The following GPR158 variants were observed in gnomAD, a reference collection of about 807,000 sequenced individuals.
GPR158 encodes the protein G protein-coupled receptor 158, also known as metabotropic glycine receptor.
In GPR158, 30 loss-of-function variants were observed where a neutral mutation model predicts 78.2. The ratio of observed to expected loss-of-function variants is 0.38; its 90% CI spans 0.29 to 0.52. The LOEUF is 0.52. Ranked by LOEUF, GPR158 falls within the 20% of genes least tolerant of loss-of-function variation. The pLI, the probability that GPR158 is intolerant of heterozygous loss-of-function variation, is 0.83. For missense variants in GPR158, 1,463 were observed against 1,523.5 expected (o/e 0.96, Z 0.66); for synonymous variants, 581 against 591.1 (o/e 0.98, Z 0.25).
intron 5 of GPR158, among the ~76,000 whole-genome samples, chr10:25,495,071 C>T (rs568467632): frequency 2.0e-5 from 3 of 151,244 alleles, no homozygotes; most frequent in South Asian, 2.1e-4. Context: ...ATTGATTCAC[C>T]GTAGAAAATT....
At chr10:25,364,844 T>A (rs1588826588) in intron 2 of GPR158, among the ~76,000 whole-genome samples, 1 of 151,806 alleles carries the variant, frequency 6.6e-6, no homozygotes, top group East Asian at 1.9e-4. Context: ...TTTTGGTGGT[T>A]AGAATTAGAT....
At chr10:25,416,765 T>C (rs1157637213) in intron 4 of GPR158, among the ~76,000 whole-genome samples, 1 of 152,138 alleles carries the variant, frequency 6.6e-6, no homozygotes, top group Non-Finnish European at 1.5e-5. Context: ...AGAGATTAAG[T>C]TTCCAAAGGT....
At chr10:25,254,843 A>T (rs1384062661) in intron 2 of GPR158, among the ~76,000 whole-genome samples, 2 of 152,226 alleles carry the variant, frequency 1.3e-5, no homozygotes, top group African/African-American at 2.4e-5. Context: ...CCTTGGAAGT[A>T]TCTAATGACT....
intron 5 of GPR158, among the ~76,000 whole-genome samples, chr10:25,477,284 G>T (rs1399949479): frequency 6.6e-6 from 1 of 152,076 alleles, no homozygotes; most frequent in East Asian, 1.9e-4. Context: ...TATAGCGAAA[G>T]CAGCCAAGTT....
intron 1 of GPR158, among the ~76,000 whole-genome samples, chr10:25,184,937 A>C (rs540693381): frequency 1.3e-5 from 2 of 152,164 alleles, no homozygotes; most frequent in African/African-American, 2.4e-5. Flanking sequence ...AAGGTTTCTC[A>C]ACCTTGGAAC....
chr10:25,361,821 CT>C (rs1351257090), intron 2 of GPR158, among the ~76,000 whole-genome samples: 1 of 151,826 alleles, frequency 6.6e-6, no homozygotes, highest in East Asian at 1.9e-4. Context: ...TATAGGACTT[CT>C]TTATATATTG....
intron 1 of GPR158, among the ~76,000 whole-genome samples, chr10:25,211,487 G>T (rs544666830): frequency 5.3e-4 from 81 of 152,122 alleles, no homozygotes; most frequent in Non-Finnish European, 1.0e-3. Context: ...GGGAGCGCAT[G>T]CACAAGAGGA....
At position 25,412,108 on chromosome 10, in the gene GPR158, CT is replaced by C; in HGVS notation, c.1112-140del. 9.3e-6 allele frequency: 6 copies of C among 642,654 alleles called. No individual in the cohort carries two copies. The South Asian group carries it at 9.7e-5, about 10-fold the overall frequency. 39.8% of individuals were successfully genotyped at this position (642,654 alleles called of 1,614,324 possible). A position where few individuals can be genotyped will look rare whatever the true frequency, so the allele number is the denominator to read the frequency against. ...TAAGAGTCTAAAGGAAAAGTAACTC[CT>C]TCCCCTAGCAAGAGGGTTGACAAAA... On this transcript the variant is annotated intron_variant, in intron 3 of 10. Coordinates refer to ENST00000376351, the MANE Select transcript of GPR158 (RefSeq NM_020752.3).
intron 6 of GPR158, among the ~76,000 whole-genome samples, chr10:25,557,427 T>C (rs992484611): frequency 2.6e-5 from 4 of 152,152 alleles, no homozygotes; most frequent in African/African-American, 9.7e-5. Flanking sequence ...CCAGAAACCA[T>C]GAAAACAAGC....
At chr10:25,531,566 A>G (rs1836422585) in intron 5 of GPR158, among the ~76,000 whole-genome samples, 1 of 152,154 alleles carries the variant, frequency 6.6e-6, no homozygotes, top group Non-Finnish European at 1.5e-5. Context: ...CTCGAAAGAG[A>G]TGAGGCAGTG....
At chr10:25,236,465 A>G (rs535448847) in intron 2 of GPR158, among the ~76,000 whole-genome samples, 1 of 152,234 alleles carries the variant, frequency 6.6e-6, no homozygotes, top group Admixed American at 6.5e-5. Context: ...CCGAGATTGC[A>G]CCACTGCACT....
chr10:25,216,361 T>C (rs186986370), intron 1 of GPR158, among the ~76,000 whole-genome samples: 6 of 152,246 alleles, frequency 3.9e-5, no homozygotes, highest in East Asian at 1.9e-4. Context: ...CAAGGTAACA[T>C]GAGGAGGGAG....
At chr10:25,551,625 A>G (rs529596618) in intron 6 of GPR158, among the ~76,000 whole-genome samples, 67 of 152,266 alleles carry the variant, frequency 4.4e-4, no homozygotes, top group Admixed American at 2.1e-3. Context: ...AAGTTCCCTA[A>G]TACTTAGTTC....
At chr10:25,529,113 G>T (rs1356512024) in intron 5 of GPR158, among the ~76,000 whole-genome samples, 1 of 152,196 alleles carries the variant, frequency 6.6e-6, no homozygotes, top group Non-Finnish European at 1.5e-5. Context: ...ATACGGCCAG[G>T]CATGGTGGCT....
chr10:25,295,209 A>G (rs1032873855), intron 2 of GPR158, among the ~76,000 whole-genome samples: 8 of 152,190 alleles, frequency 5.3e-5, no homozygotes, highest in Non-Finnish European at 1.2e-4. Flanking sequence ...TCTTCAAAGT[A>G]CATCCAACAT....
chr10:25,558,853 C>CG (rs1392176980), intron 6 of GPR158, among the ~76,000 whole-genome samples: 1 of 152,182 alleles, frequency 6.6e-6, no homozygotes, highest in African/African-American at 2.4e-5. Context: ...CGTGAGAGCA[C>CG]GTACCTTGTG....
At chr10:25,364,613 T>A (rs1206280262) in intron 2 of GPR158, among the ~76,000 whole-genome samples, 1 of 151,892 alleles carries the variant, frequency 6.6e-6, no homozygotes, top group Non-Finnish European at 1.5e-5. Flanking sequence ...GTATTCAGAA[T>A]GGTACTTTTA....
intron 4 of GPR158, among the ~76,000 whole-genome samples, chr10:25,426,347 T>C (rs1305805516): frequency 6.6e-6 from 1 of 152,140 alleles, no homozygotes; most frequent in African/African-American, 2.4e-5. Flanking sequence ...TCAGTAACTT[T>C]TCCTTTGCAT....
intron 4 of GPR158, among the ~76,000 whole-genome samples, chr10:25,445,754 GGAGA>G (rs373248720): frequency 2.0e-5 from 3 of 151,298 alleles, no homozygotes; most frequent in African/African-American, 4.9e-5. Flanking sequence ...GGAGAGAGGG[GGAGA>G]GAGAGAGAGG....
Sources: allele counts gnomAD v4.1 joint callset (sites outside exome capture counted in the v4.1 genomes callset), GRCh38; gene constraint gnomAD v4.1.1; transcripts MANE v1.5; gene names NCBI Gene and HGNC (gene_info 2026-07-23, HGNC 2026-07-21).